Variants in SPECC1 observed in about 807,000 individuals in gnomAD.
SPECC1 encodes cytospin-B.
SPECC1 carries 62 observed loss-of-function variants against 104.1 expected under a neutral mutation model. That is an observed-to-expected ratio of 0.60 (90% CI 0.49 to 0.74). The LOEUF (loss-of-function observed/expected upper bound fraction) is 0.74. SPECC1 is among the 30% of genes least tolerant of loss of function. The probability of loss-of-function intolerance (pLI) is 0.00; values close to 1 mark genes in which losing one functional copy is unlikely to be tolerated. For missense variants in SPECC1, 1,306 were observed against 1,310.5 expected (o/e 1.00, Z 0.05); for synonymous variants, 513 against 501.6 (o/e 1.02, Z -0.30).
At chr17:20,157,494 T>A (rs1376725304) in intron 3 of SPECC1, among the ~76,000 whole-genome samples, 2 of 152,232 alleles carry the variant, frequency 1.3e-5, no homozygotes, top group Non-Finnish European at 2.9e-5. Context: ...ATACTTGTTA[T>A]AAATAACCCT....
At chr17:20,232,715 G>T (rs367895807) in intron 7 of SPECC1, among the ~76,000 whole-genome samples, 1 of 152,178 alleles carries the variant, frequency 6.6e-6, no homozygotes, top group African/African-American at 2.4e-5. Flanking sequence ...ATTTATTAAT[G>T]CAGGGGAGTG....
At chr17:20,207,314 T>C (rs1388235950) in intron 4 of SPECC1, among the ~76,000 whole-genome samples, 2 of 152,206 alleles carry the variant, frequency 1.3e-5, no homozygotes, top group African/African-American at 4.8e-5. Context: ...GGAGTTTCTC[T>C]CTTTGTCTGT....
intron 3 of SPECC1, among the ~76,000 whole-genome samples, chr17:20,176,020 G>T (rs1298863790): frequency 6.6e-6 from 1 of 152,174 alleles, no homozygotes; most frequent in Non-Finnish European, 1.5e-5. Context: ...TTATGTAAAT[G>T]CGCAAATTTC....
Position 20,318,842 on chromosome 17 carries a change from C to G in SPECC1, c.*4777C>G, listed in dbSNP as rs188954162. 3.3e-4 allele frequency: 67 copies of G among 202,938 alleles called. No homozygotes were observed. The highest frequency in any genetic ancestry group is 1.2e-3 in the African/African-American group (52 of 43,550). The allele number at this position is 202,938 out of a possible 1,614,324, so 12.6% of individuals were successfully genotyped here. ...CACACTAATTTTTTTTTTTAGCACA[C>G]TAACTTTAACTACATTAGTTGAGTG... On this transcript the variant is annotated 3_prime_UTR_variant, in exon 15 of 15. Coordinates refer to ENST00000395527, the MANE Select transcript of SPECC1 (RefSeq NM_001243439.2).
chr17:20,314,181 A>G lies in SPECC1; in HGVS notation c.*116A>G. On this transcript the variant is annotated 3_prime_UTR_variant, in exon 15 of 15. Coordinates refer to ENST00000395527, the MANE Select transcript of SPECC1 (RefSeq NM_001243439.2). ...CCACCCAGCTGCCTAGACTTCAAAG[A>G]CAGGCTCAATCCAAGTGGACCAACA... 1.2e-6 allele frequency: 1 copy of G among 854,278 alleles called. No homozygotes were observed. The highest frequency in any genetic ancestry group is 1.5e-5 in the South Asian group (1 of 66,620). The allele number at this position is 854,278 out of a possible 1,614,324, so 52.9% of individuals were successfully genotyped here.
chr17:20,150,230 G>C (rs190717996), intron 3 of SPECC1, among the ~76,000 whole-genome samples: 3 of 151,720 alleles, frequency 2.0e-5, no homozygotes, highest in South Asian at 2.1e-4. Flanking sequence ...TGATCTGCCC[G>C]CCTCAGCCTC....
chr17:20,199,950 G>A lies in SPECC1; in HGVS notation c.284-4383G>A, dbSNP rs528329982. 9.9e-5 allele frequency among the ~76,000 whole-genome samples: 15 copies of A among 152,024 alleles called. No individual in the cohort carries two copies. The South Asian group carries it at 1.5e-3, about 15-fold the overall frequency. On this transcript the variant is annotated intron_variant, in intron 3 of 14. Transcript: ENST00000395527. ...GACTACAGGCGTTTGTGGCACCACCGCCCGGCTAATTTTTGCATTTTTAGT... is the reference window on the plus strand; with the variant it reads ...GACTACAGGCGTTTGTGGCACCACCACCCGGCTAATTTTTGCATTTTTAGT...
intron 3 of SPECC1, among the ~76,000 whole-genome samples, chr17:20,152,658 T>A (rs1223343636): frequency 6.6e-6 from 1 of 151,796 alleles, no homozygotes; most frequent in Non-Finnish European, 1.5e-5. Context: ...CTTCTTTTTT[T>A]ATTTTTATTT....
chr17:20,194,476 T>C, intron 3 of SPECC1, among the ~76,000 whole-genome samples: 1 of 150,196 alleles, frequency 6.7e-6, no homozygotes. Context: ...ATTTCTCCAA[T>C]TGTGTTCTGT....
intron 3 of SPECC1, among the ~76,000 whole-genome samples, chr17:20,193,132 G>A (rs1276124839): frequency 6.6e-6 from 1 of 152,194 alleles, no homozygotes; most frequent in Non-Finnish European, 1.5e-5. Context: ...ATTTCCTGAA[G>A]TTGCTATGAC....
At position 20,228,569 on chromosome 17, in the gene SPECC1, C is replaced by T. The variant is rs190403079; in HGVS notation, c.2071+949C>T. Among the ~76,000 whole-genome samples the T allele has an allele frequency of 2.2e-3, 337 of 152,318 alleles. 2 individuals carry two copies. Among genetic ancestry groups the T allele is most frequent in the African/African-American group, 7.5e-3 (313 of 41,572 alleles). ...TCATCAAGTACTGACACTGTGTTAT[C>T]TCTTGTATCTGACAGAGATGGATGA... On this transcript the variant is annotated intron_variant, in intron 5 of 14. Transcript: ENST00000395527.
intron 1 of SPECC1, among the ~76,000 whole-genome samples, chr17:20,051,112 CTTTCT>C (rs2045747090): frequency 6.8e-5 from 9 of 131,526 alleles, no homozygotes; most frequent in African/African-American, 1.5e-4. Flanking sequence ...TTCTTTCTTT[CTTTCT>C]TTCTTTCTTT....
At chr17:20,254,996 C>CT (rs762445250) in intron 10 of SPECC1, among the ~76,000 whole-genome samples, 1 of 152,148 alleles carries the variant, frequency 6.6e-6, no homozygotes, top group Non-Finnish European at 1.5e-5. Flanking sequence ...GATTCAAGCC[C>CT]TACAGAAATT....
intron 3 of SPECC1, chr17:20,113,058 C>T (rs2048572799): frequency 1.3e-6 from 1 of 745,340 alleles, no homozygotes; most frequent in Admixed American, 2.0e-5. Context: ...CTTTCTCCAC[C>T]CGCTCAGTTG....
chr17:20,059,168 C>G (rs1412574337), intron 1 of SPECC1, among the ~76,000 whole-genome samples: 3 of 151,930 alleles, frequency 2.0e-5, no homozygotes, highest in Non-Finnish European at 4.4e-5. Context: ...ATTATTATTA[C>G]ATTGTAATAT....
chr17:20,115,989 T>C (rs1270339699), intron 3 of SPECC1, among the ~76,000 whole-genome samples: 1 of 152,240 alleles, frequency 6.6e-6, no homozygotes, highest in East Asian at 1.9e-4. Flanking sequence ...TCCTGAAAAT[T>C]GTCTTAGAAT....
At chr17:20,245,720 A>G (rs1018381592) in intron 7 of SPECC1, among the ~76,000 whole-genome samples, 2 of 152,200 alleles carry the variant, frequency 1.3e-5, no homozygotes, top group Non-Finnish European at 2.9e-5. Context: ...ACCATTTCCC[A>G]AGAAAACAGC....
chr17:20,288,771 CTTTTTT>C (rs60578647), intron 12 of SPECC1, among the ~76,000 whole-genome samples: 2 of 73,708 alleles, frequency 2.7e-5, no homozygotes, highest in Non-Finnish European at 2.3e-5. Context: ...AAGGGCACTT[CTTTTTT>C]TTTTTTTTTT....
intron 12 of SPECC1, among the ~76,000 whole-genome samples, chr17:20,285,787 T>G (rs1016907169): frequency 1.4e-5 from 2 of 138,202 alleles, no homozygotes; most frequent in Non-Finnish European, 3.1e-5. Context: ...CTCTCTCCCC[T>G]TCCCTCCCTC....
Sources: allele counts gnomAD v4.1 joint callset (sites outside exome capture counted in the v4.1 genomes callset), GRCh38; gene constraint gnomAD v4.1.1; transcripts MANE v1.5; gene names NCBI Gene and HGNC (gene_info 2026-07-23, HGNC 2026-07-21).